Variants in BCL2L10 observed in about 807,000 individuals in gnomAD.
The protein encoded by BCL2L10 is bcl-2-like protein 10.
A neutral mutation model predicts 11.1 loss-of-function variants in BCL2L10; 14 were observed. The observed-to-expected ratio is 1.26, with a 90% CI of 0.83 to 1.96. BCL2L10 has a LOEUF of 1.96. Ranked by LOEUF, BCL2L10 falls within the 30% of genes most tolerant of loss-of-function variation. BCL2L10 has a pLI of 0.00. For synonymous variants in BCL2L10, 154 were observed against 133.4 expected, an observed-to-expected ratio of 1.15 and a Z score of -1.07; for missense variants, 309 against 273.9, an observed-to-expected ratio of 1.13 and a Z score of -0.90.
chr15:52,110,198 G>C (rs764467247), intron 1 of BCL2L10, among the ~76,000 whole-genome samples: 1 of 152,178 alleles, frequency 6.6e-6, no homozygotes, highest in Non-Finnish European at 1.5e-5. Context: ...TTGTCACTTG[G>C]TGCAGGAACA....
Position 52,109,442 on chromosome 15 carries a change from T to C in BCL2L10, c.*406A>G, listed in dbSNP as rs748509928. The C allele has an allele frequency of 1.3e-5, 2 of 158,828 alleles. No homozygotes were observed. Among genetic ancestry groups the C allele is most frequent in the African/African-American group, 4.8e-5 (2 of 41,750 alleles). 9.8% of individuals were successfully genotyped at this position (158,828 alleles called of 1,614,324 possible). A position where few individuals can be genotyped will look rare whatever the true frequency, so the allele number is the denominator to read the frequency against. ...TTTGTTAAACTGGGACTTTTTCTAC[T>C]TTGGGGATTATTTTGCCCCAGCTGT... On this transcript the variant is annotated 3_prime_UTR_variant, in exon 2 of 2. Transcript: ENST00000260442.
Position 52,112,749 on chromosome 15 carries a change from C to A in BCL2L10, c.-23G>T, listed in dbSNP as rs764724901. The A allele has an allele frequency of 2.0e-6, 3 of 1,503,238 alleles. No homozygotes were observed. Among genetic ancestry groups the A allele is most frequent in the Non-Finnish European group, 2.6e-6 (3 of 1,133,470 alleles). 93.1% of individuals were successfully genotyped at this position (1,503,238 alleles called of 1,614,324 possible). On this transcript the variant is annotated 5_prime_UTR_variant, in exon 1 of 2. Coordinates refer to ENST00000260442, the MANE Select transcript of BCL2L10 (RefSeq NM_020396.4). ...CATGGTCCGGCCTCTGCTGGGGGGC[C>A]GGGCCTTCGCTGGTTTTCTTGGCCC... is the stretch of plus-strand genomic sequence containing the variant.
intron 1 of BCL2L10, among the ~76,000 whole-genome samples, chr15:52,110,241 A>G (rs1337491502): frequency 6.6e-6 from 1 of 152,216 alleles, no homozygotes; most frequent in East Asian, 1.9e-4. Context: ...AGAGGAAGGT[A>G]GCTTATTATG....
At chr15:52,111,405 A>G (rs539855629) in intron 1 of BCL2L10, among the ~76,000 whole-genome samples, 1 of 150,692 alleles carries the variant, frequency 6.6e-6, no homozygotes, top group African/African-American at 2.5e-5. Flanking sequence ...AACTGCCCCC[A>G]GGAGGCTACA....
At chr15:52,110,440 CT>C (rs3838855) in intron 1 of BCL2L10, among the ~76,000 whole-genome samples, 18 of 149,944 alleles carry the variant, frequency 1.2e-4, no homozygotes, top group African/African-American at 4.2e-4. Context: ...AGAATTTCAG[CT>C]TTTTTTTTTG....
rs950608413 is a variant in BCL2L10, at chr15:52,112,648, G to A, written c.79C>T (p.Leu27=). The change falls in exon 1 of 2, where the codon CTG becomes TTG. Residue 27 remains leucine (L), a synonymous_variant. Coordinates refer to ENST00000260442, the MANE Select transcript of BCL2L10 (RefSeq NM_020396.4). Reference sequence around the variant, plus strand: ...CCGGGTTCCCGGGCGCAGTACCCCAGGTAGTCGGCCAGCAACAGCTCGGTG... The same window carrying A: ...CCGGGTTCCCGGGCGCAGTACCCCAAGTAGTCGGCCAGCAACAGCTCGGTG... ...ERTELLLADY[L]GYCAREPGTP... 1.3e-6 allele frequency: 2 copies of A among 1,558,962 alleles called. No homozygotes were observed. Among genetic ancestry groups the A allele is most frequent in the African/African-American group, 1.4e-5 (1 of 73,648 alleles).
In BCL2L10 at chr15:52,109,780, G is replaced by A. The variant is rs777602233; in HGVS notation, c.*68C>T. On this transcript the variant is annotated 3_prime_UTR_variant, in exon 2 of 2. Transcript: ENST00000260442. ...GGGAAGGTGCTTTCCCTCAGTTCTTGTTCTCACACATCTGTCATTTAGTTG... is the reference window on the plus strand; with the variant it reads ...GGGAAGGTGCTTTCCCTCAGTTCTTATTCTCACACATCTGTCATTTAGTTG... 33 of 1,589,786 alleles carry A rather than the reference G, an allele frequency of 2.1e-5. No homozygotes were observed. The highest frequency in any genetic ancestry group is 2.8e-5 in the Non-Finnish European group (33 of 1,164,072).
rs1264227739 is a variant in BCL2L10, at chr15:52,109,977, C to G, written c.490-4G>C. ...TGAAGAAGTGACAAAAGCCATCCTA[C>G]AGGGGGGAGAGAGAAAAGTTAGATT... On this transcript the variant is annotated splice_region_variant and splice_polypyrimidine_tract_variant and intron_variant, in intron 1 of 1. Transcript: ENST00000260442. 4 of 1,601,228 alleles carry G rather than the reference C, an allele frequency of 2.5e-6. No individual in the cohort carries two copies. The East Asian group carries it at 6.7e-5, about 27-fold the overall frequency.
At chr15:52,110,306 T>A (rs1359732828) in intron 1 of BCL2L10, among the ~76,000 whole-genome samples, 1 of 152,206 alleles carries the variant, frequency 6.6e-6, no homozygotes, top group Admixed American at 6.5e-5. Flanking sequence ...GTCACTAGAT[T>A]GAAAAGTTAT....
chr15:52,112,392 G>T lies in BCL2L10; in HGVS notation c.335C>A (p.Pro112Gln). The T allele has an allele frequency of 6.2e-7, 1 of 1,606,560 alleles. No individual in the cohort carries two copies. Among genetic ancestry groups the T allele is most frequent in the Non-Finnish European group, 8.5e-7 (1 of 1,179,416 alleles). ...TFAGTLLERG[P>Q]LVTARWKKWG... Reference sequence around the variant, plus strand: ...CTTCTTCCACCGGGCGGTCACCAGCGGCCCTCTCTCCAGCAGCGTCCCTGC... The same window carrying T: ...CTTCTTCCACCGGGCGGTCACCAGCTGCCCTCTCTCCAGCAGCGTCCCTGC... Residue 112 changes from proline to glutamine, a missense_variant, in exon 1 of 2, where the codon CCG (proline) becomes CAG (glutamine). By Grantham distance (76) the Pro-to-Gln change is moderately conservative. Coordinates refer to ENST00000260442, the MANE Select transcript of BCL2L10 (RefSeq NM_020396.4).
In BCL2L10 at chr15:52,109,829, G is replaced by C. The variant is rs200554368; in HGVS notation, c.*19C>G. 2 of 1,612,758 alleles carry C rather than the reference G, an allele frequency of 1.2e-6. No homozygotes were observed. The highest frequency in any genetic ancestry group is 4.5e-5 in the East Asian group (2 of 44,834). ...TGGTCACAGTTGGGCAGGTAGAAGCGGGTTAAAAGTTTTAAAACTCATAAT... is the reference window on the plus strand; with the variant it reads ...TGGTCACAGTTGGGCAGGTAGAAGCCGGTTAAAAGTTTTAAAACTCATAAT... On this transcript the variant is annotated 3_prime_UTR_variant, in exon 2 of 2. Transcript: ENST00000260442.
Position 52,110,035 on chromosome 15 carries a change from C to T in BCL2L10, c.490-62G>A, listed in dbSNP as rs2231294. The T allele has an allele frequency of 1.9e-3, 2,772 of 1,463,954 alleles. 50 individuals are homozygous for T. In the East Asian group the frequency reaches 0.043, roughly 23 times the overall value. The allele number at this position is 1,463,954 out of a possible 1,614,324, so 90.7% of individuals were successfully genotyped here. A position where few individuals can be genotyped will look rare whatever the true frequency, so the allele number is the denominator to read the frequency against. ...GATGCTGAGAACCTCACTCAAAACA[C>T]GCAGGAACTTCCAGATTAAACAGCA... is the stretch of plus-strand genomic sequence containing the variant. On this transcript the variant is annotated intron_variant, in intron 1 of 1. Coordinates refer to ENST00000260442, the MANE Select transcript of BCL2L10 (RefSeq NM_020396.4).
Position 52,109,802 on chromosome 15 carries a change from G to A in BCL2L10, c.*46C>T. On this transcript the variant is annotated 3_prime_UTR_variant, in exon 2 of 2. Transcript: ENST00000260442. The stretch of plus-strand genomic sequence containing the variant: ...CTTGTTCTCACACATCTGTCATTTA[G>A]TTGGTCACAGTTGGGCAGGTAGAAG... 1 of 1,605,038 alleles carries A rather than the reference G, an allele frequency of 6.2e-7. No homozygotes were observed. Among genetic ancestry groups the A allele is most frequent in the Non-Finnish European group, 8.5e-7 (1 of 1,174,814 alleles).
In BCL2L10 at chr15:52,111,173, A is replaced by AACACACACACACACACACACACAC. The variant is rs71130130; in HGVS notation, c.489+1041_489+1064dup. On this transcript the variant is annotated intron_variant, in intron 1 of 1. Transcript: ENST00000260442. ...ATGGTGAAAGCCCATCTCTACTGAA[A>AACACACACACACACACACACACAC]ACACACACACACACACACACACACA... 4.8e-3 allele frequency among the ~76,000 whole-genome samples: 580 copies of AACACACACACACACACACACACAC among 121,752 alleles called. 11 individuals are homozygous for AACACACACACACACACACACACAC. The highest frequency in any genetic ancestry group is 7.9e-3 in the Admixed American group (91 of 11,558). The allele number at this position is 121,752 out of a possible 152,430, so 79.9% of individuals were successfully genotyped here.
chr15:52,110,916 G>A (rs755881372), intron 1 of BCL2L10, among the ~76,000 whole-genome samples: 3 of 152,168 alleles, frequency 2.0e-5, no homozygotes, highest in Non-Finnish European at 2.9e-5. Context: ...GCACGCAGCT[G>A]AAGGGAGTTC....
chr15:52,109,879 G>A lies in BCL2L10; in HGVS notation c.584C>T (p.Ala195Val), dbSNP rs2033026062. 1.2e-6 allele frequency: 2 copies of A among 1,613,600 alleles called. No homozygotes were observed. Among genetic ancestry groups the A allele is most frequent in the African/African-American group, 1.3e-5 (1 of 74,880 alleles). ...TAATCGTGTCCAGAGATAAATGAAG[G>A]CTGTTGTTAACAAGCATGACAGAAA... is the stretch of plus-strand genomic sequence containing the variant. ...QAFLSCLLTT[A>V]FIYLWTRLL Residue 195 changes from alanine (A) to valine (V), a missense_variant, in exon 2 of 2, where the codon GCC (alanine) becomes GTC (valine). Ala to Val is a moderately conservative substitution (Grantham distance 64). Transcript: ENST00000260442.
intron 1 of BCL2L10, among the ~76,000 whole-genome samples, chr15:52,110,490 A>G (rs926629921): frequency 1.1e-4 from 17 of 152,018 alleles, no homozygotes; most frequent in Admixed American, 3.9e-4. Context: ...CTGGAGTGCA[A>G]TGGCAAGATC....
At chr15:52,112,210 C>G (rs1436109738) in intron 1 of BCL2L10, 28 bp downstream of exon 1, 10 of 1,462,404 alleles carry the variant, frequency 6.8e-6, no homozygotes, top group Non-Finnish European at 9.0e-6. Context: ...CGTCCCGCCC[C>G]GTGTCCCGGT....
At position 52,110,931 on chromosome 15, in the gene BCL2L10, GC is replaced by G. The variant is rs536797659; in HGVS notation, c.490-959del. ...GCACGCAGCTGAAGGGAGTTCACCGGCCCAGAGGGTTGAAGACCAACACTAA... is the reference window on the plus strand; with the variant it reads ...GCACGCAGCTGAAGGGAGTTCACCGGCCAGAGGGTTGAAGACCAACACTAA... On this transcript the variant is annotated intron_variant, in intron 1 of 1. Coordinates refer to ENST00000260442, the MANE Select transcript of BCL2L10 (RefSeq NM_020396.4). Among the ~76,000 whole-genome samples the G allele has an allele frequency of 2.0e-3, 301 of 152,274 alleles. 5 individuals carry two copies. In the South Asian group the frequency reaches 0.039, roughly 20 times the overall value.
Sources: gnomAD v4.1 joint callset for allele counts (sites outside exome capture counted in the v4.1 genomes callset) on GRCh38, gnomAD v4.1.1 for gene constraint, MANE v1.5 for transcripts, NCBI Gene and HGNC (gene_info 2026-07-23, HGNC 2026-07-21) for gene names.